The following NRXN3 variants were observed in gnomAD, a reference collection of about 807,000 sequenced individuals.
NRXN3 encodes neurexin III.
Under a neutral mutation model 137.6 loss-of-function variants are expected in NRXN3, and 32 were observed. The observed-to-expected ratio is 0.23, with a 90% CI of 0.18 to 0.31. The LOEUF (loss-of-function observed/expected upper bound fraction) is 0.31. Among genes scored for constraint, NRXN3 ranks in the 10% least tolerant of loss-of-function variants. The pLI, the probability that NRXN3 is intolerant of heterozygous loss-of-function variation, is 1.00. For missense variants in NRXN3, 1,574 were observed against 2,062.5 expected (o/e 0.76, Z 4.59); for synonymous variants, 798 against 784.5 (o/e 1.02, Z -0.29).
chr14:79,757,016 A>G (rs1603465522), intron 19 of NRXN3, among the ~76,000 whole-genome samples: 1 of 152,148 alleles, frequency 6.6e-6, no homozygotes, highest in African/African-American at 2.4e-5. Context: ...TGGAACGCCA[A>G]ATTAGTAGTT....
intron 4 of NRXN3, among the ~76,000 whole-genome samples, chr14:78,484,101 G>A (rs957487144): frequency 6.7e-6 from 1 of 150,124 alleles, no homozygotes; most frequent in Non-Finnish European, 1.5e-5. Flanking sequence ...GATTCAAGAG[G>A]CAGAATTATT....
intron 4 of NRXN3, among the ~76,000 whole-genome samples, chr14:78,548,638 C>T (rs2096658308): frequency 6.6e-6 from 1 of 152,200 alleles, no homozygotes. Flanking sequence ...CCCTTTTTAC[C>T]TGTTCTACAC....
chr14:79,461,015 T>C (rs1214886121), intron 15 of NRXN3, among the ~76,000 whole-genome samples: 1 of 152,208 alleles, frequency 6.6e-6, no homozygotes, highest in Admixed American at 6.5e-5. Context: ...ATCTATTCAA[T>C]AAATAATTTG....
intron 15 of NRXN3, among the ~76,000 whole-genome samples, chr14:79,282,387 C>T (rs1343266138): frequency 6.6e-6 from 1 of 152,076 alleles, no homozygotes; most frequent in African/African-American, 2.4e-5. Flanking sequence ...TTATGGGTGG[C>T]AGGGTCTTGA....
In NRXN3 at chr14:78,651,297, A is replaced by T; in HGVS notation, c.1192A>T (p.Ser398Cys). The T allele has an allele frequency of 6.2e-7, 1 of 1,614,084 alleles. No homozygotes were observed. The highest frequency in any genetic ancestry group is 2.2e-5 in the East Asian group (1 of 44,868). ...CGCTGACTTGCCTGGCTCCCCTGTCAGCAACAACTTCATGGGCTGCCTTAA... is the reference window on the plus strand; with the variant it reads ...CGCTGACTTGCCTGGCTCCCCTGTCTGCAACAACTTCATGGGCTGCCTTAA... ...STADLPGSPV[S>C]NNFMGCLKEV... Residue 398 changes from serine to cysteine, a missense_variant, in exon 6 of 21, where the codon AGC (serine) becomes TGC (cysteine). By Grantham distance (112) the Ser-to-Cys change is moderately radical. Coordinates refer to ENST00000335750, the MANE Select transcript of NRXN3 (RefSeq NM_001330195.2).
chr14:78,974,202 T>A (rs1025403499), intron 14 of NRXN3, among the ~76,000 whole-genome samples: 1 of 152,306 alleles, frequency 6.6e-6, no homozygotes, highest in South Asian at 2.1e-4. Flanking sequence ...AAAGATCCAC[T>A]ATGTATTTCT....
intron 20 of NRXN3, among the ~76,000 whole-genome samples, chr14:79,835,115 C>T (rs1242761792): frequency 2.0e-5 from 3 of 152,108 alleles, no homozygotes; most frequent in Admixed American, 6.6e-5. Flanking sequence ...TATTGCACAA[C>T]ATGGTGACCA....
intron 16 of NRXN3, among the ~76,000 whole-genome samples, chr14:79,586,502 G>C (rs17109517): frequency 0.13 from 19,539 of 152,124 alleles, 1,418 homozygotes; most frequent in South Asian, 0.23. Context: ...CCCTGAAAAA[G>C]TATGGTATAG....
At chr14:78,939,957 G>A (rs988798884) in intron 10 of NRXN3, among the ~76,000 whole-genome samples, 6 of 152,086 alleles carry the variant, frequency 3.9e-5, no homozygotes, top group Admixed American at 1.3e-4. Context: ...TGACAAAATC[G>A]AATAATCTTA....
intron 10 of NRXN3, among the ~76,000 whole-genome samples, chr14:78,830,250 T>G (rs1332101560): frequency 6.6e-6 from 1 of 152,170 alleles, no homozygotes; most frequent in Non-Finnish European, 1.5e-5. Context: ...CGTAGCATGC[T>G]TAAAATATTT....
chr14:78,370,616 C>T (rs973058511), intron 4 of NRXN3, among the ~76,000 whole-genome samples: 3 of 152,140 alleles, frequency 2.0e-5, no homozygotes, highest in African/African-American at 4.8e-5. Context: ...AATACATGAA[C>T]ATGTGAATGA....
intron 19 of NRXN3, among the ~76,000 whole-genome samples, chr14:79,738,764 G>T (rs1280834450): frequency 6.6e-6 from 1 of 152,004 alleles, no homozygotes; most frequent in Admixed American, 6.6e-5. Context: ...TCACCATGTT[G>T]GTCAGGCTGA....
chr14:79,811,608 G>T (rs1304318477), intron 20 of NRXN3, among the ~76,000 whole-genome samples: 3 of 130,946 alleles, frequency 2.3e-5, no homozygotes, highest in Non-Finnish European at 4.7e-5. Flanking sequence ...TTGAGATGGA[G>T]TGTCACTCTG....
chr14:78,777,704 C>CA (rs1231701620), intron 8 of NRXN3, among the ~76,000 whole-genome samples: 3 of 152,080 alleles, frequency 2.0e-5, no homozygotes, highest in Non-Finnish European at 4.4e-5. Flanking sequence ...CACCATTTAA[C>CA]AAAAAATTAG....
rs183177563 is a variant in NRXN3, at chr14:79,565,286, C to T, written c.3444+97884C>T. Reference sequence around the variant, plus strand: ...ACACATGTGTGTGTGTATACATATACGCACACATGTGTATATACATATACA... The same window carrying T: ...ACACATGTGTGTGTGTATACATATATGCACACATGTGTATATACATATACA... On this transcript the variant is annotated intron_variant, in intron 16 of 20. Coordinates refer to ENST00000335750, the MANE Select transcript of NRXN3 (RefSeq NM_001330195.2). 4.0e-3 allele frequency among the ~76,000 whole-genome samples: 512 copies of T among 129,386 alleles called. 1 individual carries two copies. Among genetic ancestry groups the T allele is most frequent in the Non-Finnish European group, 6.4e-3 (385 of 60,592 alleles). The allele number at this position is 129,386 out of a possible 152,430, so 84.9% of individuals were successfully genotyped here.
chr14:79,793,671 CTAGAA>C (rs1337907134), intron 19 of NRXN3, among the ~76,000 whole-genome samples: 2 of 152,142 alleles, frequency 1.3e-5, no homozygotes, highest in African/African-American at 2.4e-5. Context: ...GTTAAAAGTG[CTAGAA>C]TAGAATTTCT....
chr14:78,649,701 C>G (rs1216745608), intron 5 of NRXN3, among the ~76,000 whole-genome samples: 1 of 151,720 alleles, frequency 6.6e-6, no homozygotes, highest in Non-Finnish European at 1.5e-5. Flanking sequence ...CTTCCTCTCC[C>G]TCTCACTCTT....
Position 79,284,590 on chromosome 14 carries a change from C to T in NRXN3, c.3263-182631C>T, listed in dbSNP as rs971135077. ...CTCAGTTTTAAAAGGGAACACACCA[C>T]GCTATATTTGCAGGAAGAACTCTTG... On this transcript the variant is annotated intron_variant, in intron 15 of 20. Transcript: ENST00000335750. Among the ~76,000 whole-genome samples the T allele has an allele frequency of 4.0e-4, 60 of 151,758 alleles. 1 individual carries two copies. The highest frequency in any genetic ancestry group is 1.3e-4 in the Non-Finnish European group (9 of 67,950).
At chr14:78,914,810 A>G (rs1279493078) in intron 10 of NRXN3, among the ~76,000 whole-genome samples, 1 of 152,020 alleles carries the variant, frequency 6.6e-6, no homozygotes, top group Non-Finnish European at 1.5e-5. Context: ...TGAAAAGATC[A>G]CCCTGGCTAC....
Sources: allele counts gnomAD v4.1 joint callset (sites outside exome capture counted in the v4.1 genomes callset), GRCh38; gene constraint gnomAD v4.1.1; transcripts MANE v1.5; gene names NCBI Gene and HGNC (gene_info 2026-07-23, HGNC 2026-07-21).